Variants in SCPPPQ1 observed in about 807,000 individuals in gnomAD.
SCPPPQ1 encodes the protein secretory calcium-binding phosphoprotein proline-glutamine rich 1, also known as secretory calcium-binding phosphoprotein proline- and glutamine-rich 1.
the SCPPPQ1 span, among the ~76,000 whole-genome samples, chr4:87,470,707 A>G: frequency 1.3e-5 from 2 of 152,188 alleles, no homozygotes; most frequent in African/African-American, 4.8e-5. Context: ...TATTATTAAG[A>G]CTTATCTCCA....
chr4:87,467,208 G>T, the SCPPPQ1 span, among the ~76,000 whole-genome samples: 1 of 152,068 alleles, frequency 6.6e-6, no homozygotes, highest in South Asian at 2.1e-4. Context: ...CATCAGATCT[G>T]AACTTATACT....
the SCPPPQ1 span, among the ~76,000 whole-genome samples, chr4:87,470,296 C>T: frequency 2.0e-5 from 3 of 152,240 alleles, no homozygotes; most frequent in African/African-American, 4.8e-5. Flanking sequence ...ACCAGTGTTA[C>T]ATCATGCTTA....
the SCPPPQ1 span, chr4:87,462,414 C>G: frequency 2.6e-5 from 4 of 152,286 alleles, no homozygotes; most frequent in East Asian, 3.9e-4. Context: ...ATAGCAAGAT[C>G]CTGTTTCTTA....
the SCPPPQ1 span, among the ~76,000 whole-genome samples, chr4:87,462,693 A>G: frequency 2.6e-5 from 4 of 152,152 alleles, no homozygotes; most frequent in East Asian, 1.9e-4. Context: ...TGAATTGCCT[A>G]TAAGACAAAA....
chr4:87,470,014 C>T, the SCPPPQ1 span, among the ~76,000 whole-genome samples: 1 of 144,726 alleles, frequency 6.9e-6, no homozygotes, highest in Non-Finnish European at 1.5e-5. Context: ...AGTGCAGTGG[C>T]ACAATCATAG....
the SCPPPQ1 span, among the ~76,000 whole-genome samples, chr4:87,468,106 G>A: frequency 1.3e-5 from 2 of 152,174 alleles, no homozygotes; most frequent in Non-Finnish European, 2.9e-5. Flanking sequence ...TAAGTAATAA[G>A]CCACTATGGA....
the SCPPPQ1 span, among the ~76,000 whole-genome samples, chr4:87,461,449 G>C: frequency 6.6e-6 from 1 of 152,148 alleles, no homozygotes; most frequent in African/African-American, 2.4e-5. Flanking sequence ...TTTGTGAGTT[G>C]AAATTTAAGG....
chr4:87,461,578 G>T, the SCPPPQ1 span, among the ~76,000 whole-genome samples: 8 of 152,288 alleles, frequency 5.3e-5, no homozygotes, highest in Non-Finnish European at 1.2e-4. Flanking sequence ...TTGTCAGCAG[G>T]TGTTCTTGAG....
At chr4:87,465,183 A>C in the SCPPPQ1 span, among the ~76,000 whole-genome samples, 1 of 152,204 alleles carries the variant, frequency 6.6e-6, no homozygotes, top group Non-Finnish European at 1.5e-5. Context: ...GGAGTTAAAG[A>C]TAATTCCAAA....
At chr4:87,461,603 T>G in the SCPPPQ1 span, among the ~76,000 whole-genome samples, 4,606 of 152,260 alleles carry the variant, frequency 0.03, 239 homozygotes, top group African/African-American at 0.11. Context: ...TGAAAGCATT[T>G]CAAACTCAAA....
At chr4:87,461,561 GTTTGT>G in the SCPPPQ1 span, among the ~76,000 whole-genome samples, 1 of 152,192 alleles carries the variant, frequency 6.6e-6, no homozygotes, top group Non-Finnish European at 1.5e-5. Context: ...CACAGTCAGT[GTTTGT>G]TTTGTCAGCA....
At chr4:87,466,713 A>G in the SCPPPQ1 span, among the ~76,000 whole-genome samples, 1 of 152,176 alleles carries the variant, frequency 6.6e-6, no homozygotes, top group African/African-American at 2.4e-5. Context: ...GACAATATTA[A>G]GCAAGATGTA....
At chr4:87,469,947 C>CCTTTTTT in the SCPPPQ1 span, among the ~76,000 whole-genome samples, 1 of 114,972 alleles carries the variant, frequency 8.7e-6, no homozygotes. Flanking sequence ...ACACACAAAT[C>CCTTTTTT]TTTTTTTTTT....
the SCPPPQ1 span, among the ~76,000 whole-genome samples, chr4:87,470,441 T>C: frequency 2.0e-5 from 3 of 152,168 alleles, no homozygotes; most frequent in Non-Finnish European, 4.4e-5. Context: ...TATTGCCAGT[T>C]ATAGTTCTCG....
chr4:87,468,668 A>G, the SCPPPQ1 span, among the ~76,000 whole-genome samples: 1 of 152,240 alleles, frequency 6.6e-6, no homozygotes, highest in African/African-American at 2.4e-5. Flanking sequence ...ATTACCAAAA[A>G]AGAAAAGCGC....
the SCPPPQ1 span, among the ~76,000 whole-genome samples, chr4:87,470,918 G>A: frequency 0.4 from 60,872 of 151,842 alleles, 13,258 homozygotes; most frequent in African/African-American, 0.57. Context: ...AAGTGGACCT[G>A]TTAGAAATCA....
the SCPPPQ1 span, among the ~76,000 whole-genome samples, chr4:87,461,375 G>T: frequency 1.3e-5 from 2 of 152,304 alleles, no homozygotes; most frequent in African/African-American, 4.8e-5. Context: ...ATTTAAGTAT[G>T]CAGCTTGGAA....
chr4:87,463,856 C>G, the SCPPPQ1 span, among the ~76,000 whole-genome samples: 1 of 152,172 alleles, frequency 6.6e-6, no homozygotes, highest in African/African-American at 2.4e-5. Flanking sequence ...CTTATACAAG[C>G]AGTTTTACTG....
the SCPPPQ1 span, among the ~76,000 whole-genome samples, chr4:87,469,007 C>A: frequency 6.6e-6 from 1 of 152,286 alleles, no homozygotes; most frequent in Non-Finnish European, 1.5e-5. Context: ...AAATATAATT[C>A]AGGCATAAGT....
Sources: gnomAD v4.1 joint callset for allele counts (sites outside exome capture counted in the v4.1 genomes callset) on GRCh38, gnomAD v4.1.1 for gene constraint, MANE v1.5 for transcripts, NCBI Gene and HGNC (gene_info 2026-07-23, HGNC 2026-07-21) for gene names.